VLDLR: variants seen among roughly 807,000 people sequenced by gnomAD.
VLDLR encodes very low density lipoprotein receptor.
A neutral mutation model predicts 112.7 loss-of-function variants in VLDLR; 81 were observed. The ratio of observed to expected loss-of-function variants is 0.72; its 90% CI spans 0.60 to 0.86. The LOEUF is 0.86. VLDLR is among the 40% of genes least tolerant of loss of function. The pLI, the probability that VLDLR is intolerant of heterozygous loss-of-function variation, is 0.00. For missense variants in VLDLR, 1,237 were observed against 1,099.4 expected (o/e 1.13, Z -1.77); for synonymous variants, 436 against 384.8 (o/e 1.13, Z -1.56).
rs779051723 is a variant in VLDLR, at chr9:2,643,276, G to A, written c.565G>A (p.Ala189Thr). 6.2e-7 allele frequency: 1 copy of A among 1,613,810 alleles called. No individual in the cohort carries two copies. The highest frequency in any genetic ancestry group is 1.1e-5 in the South Asian group (1 of 91,064). The change falls in exon 5 of 19, where the codon GCC (alanine) becomes ACC (threonine). Residue 189 changes from alanine to threonine, a missense_variant. Transcript: ENST00000382100. ...CGATGGCAGTGATGAGCTGGACTGTGCCCCGCCAACCTGTGGCGCCCATGA... is the reference window on the plus strand; with the variant it reads ...CGATGGCAGTGATGAGCTGGACTGTACCCCGCCAACCTGTGGCGCCCATGA... ...CSDGSDELDC[A>T]PPTCGAHEFQ...
At chr9:2,624,077 C>A (rs964205478) in intron 1 of VLDLR, among the ~76,000 whole-genome samples, 1 of 152,106 alleles carries the variant, frequency 6.6e-6, no homozygotes. Context: ...TTAACTTTAC[C>A]TTATAGAATG....
In VLDLR at chr9:2,658,271, G is replaced by A. The variant is rs1398199061; in HGVS notation, c.*4403G>A. On this transcript the variant is annotated 3_prime_UTR_variant, in exon 19 of 19. Transcript: ENST00000382100. Reference sequence around the variant, plus strand: ...AAGCTACTAACAAACTGATAACAGTGGTGTTCCATCTCTCTATCATGTCTC... The same window carrying A: ...AAGCTACTAACAAACTGATAACAGTAGTGTTCCATCTCTCTATCATGTCTC... 6.6e-6 allele frequency: 1 copy of A among 152,148 alleles called. No individual in the cohort carries two copies. Among genetic ancestry groups the A allele is most frequent in the African/African-American group, 2.4e-5 (1 of 41,408 alleles). 9.4% of individuals were successfully genotyped at this position (152,148 alleles called of 1,614,324 possible).
Position 2,643,881 on chromosome 9 carries a change from G to A in VLDLR, c.988G>A (p.Glu330Lys). 6.2e-7 allele frequency: 1 copy of A among 1,614,162 alleles called. No individual in the cohort carries two copies. Among genetic ancestry groups the A allele is most frequent in the African/African-American group, 1.3e-5 (1 of 75,040 alleles). ...TGGAAAATTCAAGTGCAGAAGTGGA[G>A]AATGCATAGATATCAGCAAAGTATG... is the stretch of plus-strand genomic sequence containing the variant. ...GPGKFKCRSG[E>K]CIDISKVCNQ... is the part of the protein sequence containing the mutation. Residue 330 changes from glutamate (E) to lysine (K), a missense_variant, in exon 7 of 19, where the codon GAA becomes AAA. Transcript: ENST00000382100.
Position 2,643,652 on chromosome 9 carries a change from A to T in VLDLR, c.845A>T (p.Gln282Leu). ...NCPSRTCRPD[Q>L]FECEDGSCIH... ...GCCTCTCGAACTTGCCGACCTGACC[A>T]ATTTGAATGTGAGGATGGCAGCTGC... Residue 282 changes from glutamine (Q) to leucine (L), a missense_variant, in exon 6 of 19, where the codon CAA becomes CTA. By Grantham distance (113) the Gln-to-Leu change is moderately radical (BLOSUM62 -2). Coordinates refer to ENST00000382100, the MANE Select transcript of VLDLR (RefSeq NM_003383.5). 1.2e-6 allele frequency: 2 copies of T among 1,614,138 alleles called. No individual in the cohort carries two copies. The highest frequency in any genetic ancestry group is 1.7e-6 in the Non-Finnish European group (2 of 1,180,028).
chr9:2,643,593 C>T, intron 5 of VLDLR, 35 bp from the exon 6 acceptor site: 3 of 1,614,096 alleles, frequency 1.9e-6, no homozygotes, highest in Non-Finnish European at 2.5e-6. Flanking sequence ...GGACAATTTG[C>T]TGGCTTCATT....
At chr9:2,634,956 C>T (rs774724098) in intron 1 of VLDLR, among the ~76,000 whole-genome samples, 12 of 152,170 alleles carry the variant, frequency 7.9e-5, no homozygotes, top group African/African-American at 2.4e-4. Context: ...ATTATAGCCA[C>T]ACACGTAGTT....
intron 13 of VLDLR, 137 bp from the exon 14 acceptor site, chr9:2,648,532 T>C (rs1029573578): frequency 6.5e-7 from 1 of 1,531,186 alleles, no homozygotes; most frequent in East Asian, 2.3e-5. Flanking sequence ...CTTGATTCTT[T>C]TACAGTTTTA....
chr9:2,651,875 G>T lies in VLDLR; in HGVS notation c.2337G>T (p.Gly779=). 1.2e-6 allele frequency: 2 copies of T among 1,614,040 alleles called. No individual in the cohort carries two copies. Among genetic ancestry groups the T allele is most frequent in the Non-Finnish European group, 1.7e-6 (2 of 1,179,950 alleles). Residue 779 remains glycine (G), a splice_region_variant and synonymous_variant, in exon 17 of 19, where the codon GGG becomes GGT. Transcript: ENST00000382100. ...ISATSGLVPG[G]INVTTAVSEV... is the part of the protein sequence containing the mutation. ...CTGATTCCTTTTATTCCTCTGTAGG[G>T]ATCAATGTGACCACAGCAGTATCAG...
chr9:2,653,957 C>T lies in VLDLR; in HGVS notation c.*89C>T. 7.2e-7 allele frequency: 1 copy of T among 1,395,744 alleles called. No homozygotes were observed. Among genetic ancestry groups the T allele is most frequent in the Non-Finnish European group, 1.0e-6 (1 of 982,758 alleles). 86.5% of individuals were successfully genotyped at this position (1,395,744 alleles called of 1,614,324 possible). On this transcript the variant is annotated 3_prime_UTR_variant, in exon 19 of 19. Transcript: ENST00000382100. ...GAGCCAGCAGCTGAAGTCTCTTTTT[C>T]TTCCTCTCGGCTGGAAGAACATCAA... is the stretch of plus-strand genomic sequence containing the variant.
At chr9:2,648,961 A>G in intron 14 of VLDLR, 151 bp downstream of exon 14, 2 of 993,146 alleles carry the variant, frequency 2.0e-6, no homozygotes, top group Middle Eastern at 4.7e-4. Flanking sequence ...TTCACATGTT[A>G]TTTTTTTATT....
intron 7 of VLDLR, 35 bp downstream of exon 7, chr9:2,643,994 A>C: frequency 6.2e-7 from 1 of 1,613,748 alleles, no homozygotes; most frequent in Non-Finnish European, 8.5e-7. Flanking sequence ...CAGATCCTGG[A>C]AGTTTGACAC....
At chr9:2,641,287 C>G (rs1402700698) in intron 3 of VLDLR, 90 bp from the exon 4 acceptor site, 1 of 1,597,976 alleles carries the variant, frequency 6.3e-7, no homozygotes, top group Admixed American at 1.7e-5. Context: ...GCTACTGAGT[C>G]ACAGGTATTA....
At chr9:2,647,390 C>T in intron 11 of VLDLR, 84 bp from the exon 12 acceptor site, 4 of 1,201,368 alleles carry the variant, frequency 3.3e-6, no homozygotes, top group Non-Finnish European at 5.0e-6. Context: ...GTTTTCTGCT[C>T]AAATTTTAAA....
chr9:2,645,194 A>C, intron 9 of VLDLR, 112 bp downstream of exon 9: 1 of 1,522,596 alleles, frequency 6.6e-7, no homozygotes, highest in Non-Finnish European at 9.1e-7. Flanking sequence ...ACTTGAGAAC[A>C]ATGCTGCTAA....
At position 2,652,885 on chromosome 9, in the gene VLDLR, C is replaced by G; in HGVS notation, c.2522C>G (p.Thr841Ser). The change falls in exon 18 of 19, where the codon ACT becomes AGT. Residue 841 changes from threonine (T) to serine (S), a missense_variant. Coordinates refer to ENST00000382100, the MANE Select transcript of VLDLR (RefSeq NM_003383.5). ...GACAATCCTGTGTACTTGAAAACCA[C>G]TGAAGAGGACCTCTCCATAGACATT... ...NFDNPVYLKT[T>S]EEDLSIDIGR... 6.2e-7 allele frequency: 1 copy of G among 1,614,104 alleles called. No individual in the cohort carries two copies. Among genetic ancestry groups the G allele is most frequent in the Admixed American group, 1.7e-5 (1 of 59,998 alleles).
At chr9:2,652,660 C>T (rs1818406260) in intron 17 of VLDLR, 120 bp from the exon 18 acceptor site, 2 of 1,342,522 alleles carry the variant, frequency 1.5e-6, no homozygotes, top group Non-Finnish European at 2.1e-6. Flanking sequence ...GTTATCCTAG[C>T]TCCATAAAAC....
In VLDLR at chr9:2,654,770, G is replaced by A. The variant is rs562360717; in HGVS notation, c.*902G>A. On this transcript the variant is annotated 3_prime_UTR_variant, in exon 19 of 19. Coordinates refer to ENST00000382100, the MANE Select transcript of VLDLR (RefSeq NM_003383.5). ...AACTTGTTTCCTGATCGAGAAACAC[G>A]TGCTAAGATTTCTATGAATTCTGCT... 5.2e-4 allele frequency: 79 copies of A among 152,184 alleles called. No homozygotes were observed. Among genetic ancestry groups the A allele is most frequent in the African/African-American group, 1.7e-3 (70 of 41,522 alleles). 9.4% of individuals were successfully genotyped at this position (152,184 alleles called of 1,614,324 possible). A position where few individuals can be genotyped will look rare whatever the true frequency, so the allele number is the denominator to read the frequency against.
At chr9:2,646,863 A>G (rs923655168) in intron 11 of VLDLR, among the ~76,000 whole-genome samples, 1 of 152,146 alleles carries the variant, frequency 6.6e-6, no homozygotes, top group African/African-American at 2.4e-5. Context: ...TTTCTACGCA[A>G]GTGATTTTTT....
At chr9:2,635,420 C>T in intron 1 of VLDLR, 33 bp from the exon 2 acceptor site, 1 of 1,613,426 alleles carries the variant, frequency 6.2e-7, no homozygotes, top group East Asian at 2.2e-5. Context: ...ATAACCAATC[C>T]TTGCTTTACC....
Sources: allele counts gnomAD v4.1 joint callset (sites outside exome capture counted in the v4.1 genomes callset), GRCh38; gene constraint gnomAD v4.1.1; transcripts MANE v1.5; gene names NCBI Gene and HGNC (gene_info 2026-07-23, HGNC 2026-07-21).